Variants in DLG1 observed in about 807,000 individuals in gnomAD.
DLG1 encodes disks large homolog 1.
In DLG1, 42 loss-of-function variants were observed where a neutral mutation model predicts 123.4. That is an observed-to-expected ratio of 0.34 (90% CI 0.27 to 0.44). DLG1 has a LOEUF of 0.44. DLG1 is among the 20% of genes least tolerant of loss of function. DLG1 has a pLI of 1.00. For synonymous variants in DLG1, 317 were observed against 356.2 expected, an observed-to-expected ratio of 0.89 and a Z score of 1.24; for missense variants, 942 against 1,082.6, an observed-to-expected ratio of 0.87 and a Z score of 1.82.
chr3:197,080,267 CTTTTTTTTTTTTTTTTTTT>C (rs767056279), intron 17 of DLG1, among the ~76,000 whole-genome samples: 2 of 51,870 alleles, frequency 3.9e-5, no homozygotes, highest in Non-Finnish European at 6.4e-5. Flanking sequence ...GATATATTTC[CTTTTTTTTTTTTTTTTTTT>C]TTTTTTTTTT....
At chr3:197,273,646 C>T (rs1764928767) in intron 4 of DLG1, among the ~76,000 whole-genome samples, 1 of 151,624 alleles carries the variant, frequency 6.6e-6, no homozygotes, top group Non-Finnish European at 1.5e-5. Context: ...GAAAAGTATC[C>T]CTTAACACCA....
chr3:197,070,574 T>C (rs1560463097), intron 18 of DLG1: 1 of 135,214 alleles, frequency 7.4e-6, no homozygotes, highest in East Asian at 2.4e-4. Flanking sequence ...CATTTTTTTT[T>C]TTTTTTTTTT....
chr3:197,234,479 C>T (rs898018142), intron 4 of DLG1, among the ~76,000 whole-genome samples: 1 of 152,162 alleles, frequency 6.6e-6, no homozygotes, highest in African/African-American at 2.4e-5. Flanking sequence ...TAATCAATCC[C>T]ACATTCTCTA....
chr3:197,158,198 G>C (rs779245550), intron 5 of DLG1, among the ~76,000 whole-genome samples: 1 of 152,128 alleles, frequency 6.6e-6, no homozygotes, highest in Admixed American at 6.5e-5. Context: ...TGTCACAAAT[G>C]CAAGTCAAAA....
chr3:197,065,729 T>G lies in DLG1; in HGVS notation c.2179A>C (p.Lys727Gln), dbSNP rs1739068734. ...TTACGAGGAACACAGGATCCAAATT[T>G]GTCAGGAAATTCTGAGATCAAGTCA... ...NDDLISEFPD[K>Q]FGSCVPHTTR... The change falls in exon 21 of 25, where the codon AAA (lysine) becomes CAA (glutamine). Residue 727 changes from lysine (K) to glutamine (Q), a missense_variant. Physicochemically the swap from Lys to Gln is moderately conservative, Grantham distance 53 (BLOSUM62 1). Coordinates refer to ENST00000667157, the MANE Select transcript of DLG1 (RefSeq NM_001366207.1). 1.2e-6 allele frequency: 2 copies of G among 1,611,104 alleles called. No individual in the cohort carries two copies. Among genetic ancestry groups the G allele is most frequent in the Non-Finnish European group, 1.7e-6 (2 of 1,177,946 alleles).
chr3:197,286,548 G>C (rs1247058435), intron 3 of DLG1, among the ~76,000 whole-genome samples: 2 of 152,160 alleles, frequency 1.3e-5, no homozygotes, highest in African/African-American at 4.8e-5. Context: ...CTCAGGTACA[G>C]GTCTGTGGCA....
At chr3:197,127,495 T>TATATATATATAA (rs1553936756) in intron 11 of DLG1, among the ~76,000 whole-genome samples, 1 of 49,420 alleles carries the variant, frequency 2.0e-5, no homozygotes, top group Non-Finnish European at 3.9e-5. Context: ...TATATATATA[T>TATATATATATAA]AAAGTAAGAA....
intron 4 of DLG1, among the ~76,000 whole-genome samples, chr3:197,274,498 G>A (rs774467559): frequency 1.5e-4 from 22 of 149,930 alleles, no homozygotes; most frequent in Non-Finnish European, 3.0e-4. Context: ...GATACAATAC[G>A]ACACGACACG....
chr3:197,052,573 G>C lies in DLG1; in HGVS notation c.2484-905C>G, dbSNP rs116404702. Among the ~76,000 whole-genome samples the C allele has an allele frequency of 8.5e-3, 1,297 of 152,282 alleles. 17 individuals carry two copies. The highest frequency in any genetic ancestry group is 0.03 in the African/African-American group (1,229 of 41,556). On this transcript the variant is annotated intron_variant, in intron 23 of 24. Coordinates refer to ENST00000667157, the MANE Select transcript of DLG1 (RefSeq NM_001366207.1). ...GAGGGTTTTAACAAATTCTGCATCAGCTCAGTGTAGCCAAAAAACCTATTC... is the reference window on the plus strand; with the variant it reads ...GAGGGTTTTAACAAATTCTGCATCACCTCAGTGTAGCCAAAAAACCTATTC...
chr3:197,280,685 C>T (rs1005486811), intron 4 of DLG1, among the ~76,000 whole-genome samples: 3 of 151,944 alleles, frequency 2.0e-5, no homozygotes, highest in African/African-American at 7.3e-5. Flanking sequence ...TATAAGAATT[C>T]GAGGCTTTAT....
At chr3:197,068,994 T>G (rs1484030396) in intron 19 of DLG1, among the ~76,000 whole-genome samples, 1 of 135,040 alleles carries the variant, frequency 7.4e-6, no homozygotes, top group East Asian at 2.8e-4. Context: ...ATATGTATCA[T>G]GTACACAAAT....
intron 4 of DLG1, among the ~76,000 whole-genome samples, chr3:197,206,435 G>C (rs981339264): frequency 2.6e-5 from 4 of 152,126 alleles, no homozygotes; most frequent in Admixed American, 1.3e-4. Context: ...AAGTAGCTGG[G>C]ACCACAGGCA....
chr3:197,193,530 T>A (rs1157513633), intron 5 of DLG1, among the ~76,000 whole-genome samples: 3 of 152,164 alleles, frequency 2.0e-5, no homozygotes, highest in African/African-American at 7.2e-5. Context: ...TAAATCCATA[T>A]CCATCAAAAG....
At chr3:197,190,078 A>G (rs73086564) in intron 5 of DLG1, among the ~76,000 whole-genome samples, 2,427 of 152,322 alleles carry the variant, frequency 0.016, 67 homozygotes, top group African/African-American at 0.054. Flanking sequence ...AGCAGATACC[A>G]AAAAACTGAC....
At position 197,194,467 on chromosome 3, in the gene DLG1, A is replaced by G; in HGVS notation, c.441T>C (p.Asn147=). ...VSEKNLSEIE[N]VHGFVSHSHI... is the part of the protein sequence containing the mutation. ...GAGAATGAGAAACAAATCCATGGAC[A>G]TTCTCAATCTCTGATAAGTTCTTCT... The change falls in exon 5 of 25, where the codon AAT becomes AAC. Residue 147 remains asparagine (N), a synonymous_variant. Coordinates refer to ENST00000667157, the MANE Select transcript of DLG1 (RefSeq NM_001366207.1). 6.2e-7 allele frequency: 1 copy of G among 1,601,460 alleles called. No individual in the cohort carries two copies. The highest frequency in any genetic ancestry group is 2.3e-5 in the East Asian group (1 of 44,392).
At chr3:197,170,271 A>C (rs1168888811) in intron 5 of DLG1, among the ~76,000 whole-genome samples, 1 of 152,178 alleles carries the variant, frequency 6.6e-6, no homozygotes, top group Non-Finnish European at 1.5e-5. Flanking sequence ...TTGAGTATAC[A>C]CCCAGTAATA....
At chr3:197,066,617 A>C (rs1385148488) in intron 20 of DLG1, 87 bp downstream of exon 20, 2 of 1,023,472 alleles carry the variant, frequency 2.0e-6, no homozygotes, top group East Asian at 5.0e-5. Flanking sequence ...TTAATACAAC[A>C]TTTTTTGGGG....
intron 16 of DLG1, among the ~76,000 whole-genome samples, chr3:197,083,121 A>G (rs1268896363): frequency 2.0e-5 from 3 of 152,252 alleles, no homozygotes; most frequent in Non-Finnish European, 1.5e-5. Flanking sequence ...TTTGTCATCA[A>G]CTGAAAGATC....
chr3:197,172,000 AG>A (rs1804440166), intron 5 of DLG1, among the ~76,000 whole-genome samples: 2 of 152,198 alleles, frequency 1.3e-5, no homozygotes, highest in South Asian at 4.1e-4. Context: ...CACTCTCTCA[AG>A]TTGCCTTCTT....
Sources: allele counts gnomAD v4.1 joint callset (sites outside exome capture counted in the v4.1 genomes callset), GRCh38; gene constraint gnomAD v4.1.1; transcripts MANE v1.5; gene names NCBI Gene and HGNC (gene_info 2026-07-23, HGNC 2026-07-21).